Variants in HDAC5 observed in about 807,000 individuals in gnomAD.
HDAC5 encodes histone deacetylase 5.
HDAC5 carries 25 observed loss-of-function variants against 133.3 expected under a neutral mutation model. The ratio of observed to expected loss-of-function variants is 0.19; its 90% confidence interval spans 0.14 to 0.26. HDAC5 has a LOEUF of 0.26. Ranked by LOEUF, HDAC5 falls within the 10% of genes least tolerant of loss-of-function variation. The probability of loss-of-function intolerance (pLI) is 1.00; values close to 1 mark genes in which losing one functional copy is unlikely to be tolerated. For missense variants in HDAC5, 1,041 were observed against 1,460.5 expected (o/e 0.71, Z 4.68); for synonymous variants, 589 against 610.8 (o/e 0.96, Z 0.53).
intron 24 of HDAC5, 92 bp from the exon 25 acceptor site, chr17:44,078,971 A>G (rs2050249989): frequency 1.3e-6 from 2 of 1,524,638 alleles, no homozygotes; most frequent in African/African-American, 1.4e-5. Flanking sequence ...GATATCCCTC[A>G]CAACAGGGGC....
rs191591321 is a variant in HDAC5 at position 44,076,808 on chromosome 17, A to G, written c.*1568T>C. ...AGGACACACAGTGTAACGGGTTACA[A>G]AATACTTAACTGAAATCCATATCCA... On this transcript the variant is annotated 3_prime_UTR_variant, in exon 27 of 27. Transcript: ENST00000682912. The G allele has an allele frequency of 6.1e-6, 1 of 162,804 alleles. No homozygotes were observed. Among genetic ancestry groups the G allele is most frequent in the East Asian group, 1.8e-4 (1 of 5,706 alleles). The allele number at this position is 162,804 out of a possible 1,614,324, so 10.1% of individuals were successfully genotyped here. A position where few individuals can be genotyped will look rare whatever the true frequency, so the allele number is the denominator to read the frequency against.
At chr17:44,089,461 T>G (rs1239396329) in intron 11 of HDAC5, among the ~76,000 whole-genome samples, 1 of 151,804 alleles carries the variant, frequency 6.6e-6, no homozygotes, top group South Asian at 2.1e-4. Flanking sequence ...ATACAAAAAT[T>G]AGGCCAGGCG....
chr17:44,079,760 T>C (rs1321592898), intron 23 of HDAC5, among the ~76,000 whole-genome samples: 1 of 150,876 alleles, frequency 6.6e-6, no homozygotes, highest in Non-Finnish European at 1.5e-5. Flanking sequence ...AAATACAGCA[T>C]CAGTGAACTA....
intron 13 of HDAC5, 41 bp from the exon 14 acceptor site, chr17:44,086,778 C>T: frequency 2.4e-6 from 3 of 1,271,742 alleles, no homozygotes; most frequent in Middle Eastern, 2.6e-4. Context: ...CAGACTCAGC[C>T]AGGACAGGGG....
rs181335392 is a variant in HDAC5 at position 44,085,964 on chromosome 17, C to G, written c.2050+608G>C. Among the ~76,000 whole-genome samples, 439 of 152,282 alleles carry G rather than the reference C, an allele frequency of 2.9e-3. 1 individual carries two copies. Among genetic ancestry groups the G allele is most frequent in the African/African-American group, 9.7e-3 (402 of 41,552 alleles). On this transcript the variant is annotated intron_variant, in intron 14 of 26. Coordinates refer to ENST00000682912, the MANE Select transcript of HDAC5 (RefSeq NM_005474.5). ...GCCTTTCCTCTCCAGCCTTTGCCCC[C>G]TCTTGACTCCTCCTGAAATTCCTTT... is the stretch of plus-strand genomic sequence containing the variant.
chr17:44,083,175 TG>T (rs2050477565), intron 18 of HDAC5, among the ~76,000 whole-genome samples: 1 of 152,156 alleles, frequency 6.6e-6, no homozygotes, highest in South Asian at 2.1e-4. Context: ...TTTACTATGT[TG>T]CCCAGGCTGG....
chr17:44,085,326 C>CT (rs56379369), intron 14 of HDAC5, 171 bp from the exon 15 acceptor site: 5,848 of 375,662 alleles, frequency 0.016, 49 homozygotes, highest in African/African-American at 0.059. Context: ...TCCTCTCCAG[C>CT]TTTTTTTTTT....
At chr17:44,116,764 T>C (rs2052673030) in intron 2 of HDAC5, among the ~76,000 whole-genome samples, 1 of 152,050 alleles carries the variant, frequency 6.6e-6, no homozygotes, top group Non-Finnish European at 1.5e-5. Context: ...CTCACAGGCA[T>C]ACATCCAGAC....
intron 3 of HDAC5, among the ~76,000 whole-genome samples, chr17:44,094,732 A>G (rs2051154652): frequency 7.3e-6 from 1 of 137,292 alleles, no homozygotes; most frequent in Non-Finnish European, 1.6e-5. Flanking sequence ...GTGTGTATAT[A>G]TATGTGTGTA....
At chr17:44,082,972 C>G in intron 18 of HDAC5, 152 bp from the exon 19 acceptor site, 1 of 709,006 alleles carries the variant, frequency 1.4e-6, no homozygotes. Flanking sequence ...GTTGGGGTTT[C>G]TTTGTTTTTT....
At chr17:44,087,326 G>T (rs1012261254) in intron 13 of HDAC5, 86 bp downstream of exon 13, 6 of 687,592 alleles carry the variant, frequency 8.7e-6, no homozygotes, top group Non-Finnish European at 1.3e-5. Context: ...CTGCAGATGG[G>T]GGAGAGGGAA....
rs1465155006 is a variant in HDAC5, at chr17:44,088,377, C to G, written c.1599+10G>C. On this transcript the variant is annotated intron_variant, in intron 12 of 26. Coordinates refer to ENST00000682912, the MANE Select transcript of HDAC5 (RefSeq NM_005474.5). The stretch of plus-strand genomic sequence containing the variant: ...CCACAGCCCCAGGCCATTCACCTTT[C>G]CAGGCTCACCTTGCCCAGCTGTAGC... 6.5e-7 allele frequency: 1 copy of G among 1,547,746 alleles called. No individual in the cohort carries two copies. The highest frequency in any genetic ancestry group is 1.2e-5 in the South Asian group (1 of 84,004).
chr17:44,114,374 C>T lies in HDAC5; in HGVS notation c.22+3120G>A, dbSNP rs930307257. On this transcript the variant is annotated intron_variant, in intron 2 of 26. Transcript: ENST00000682912. Reference sequence around the variant, plus strand: ...AGCCCAAGGCTGGAAGGCAGGACACCGAGGTTCCTGGCTCCACCCCACACC... The same window carrying T: ...AGCCCAAGGCTGGAAGGCAGGACACTGAGGTTCCTGGCTCCACCCCACACC... Among the ~76,000 whole-genome samples the T allele has an allele frequency of 4.6e-5, 7 of 152,166 alleles. No homozygotes were observed. The South Asian group carries it at 1.0e-3, about 22-fold the overall frequency.
At chr17:44,107,325 AG>A (rs1231704908) in intron 3 of HDAC5, among the ~76,000 whole-genome samples, 3 of 152,190 alleles carry the variant, frequency 2.0e-5, no homozygotes, top group Admixed American at 1.3e-4. Flanking sequence ...AGATATGGCA[AG>A]GGCCGGGCGT....
intron 1 of HDAC5, among the ~76,000 whole-genome samples, chr17:44,122,391 G>A (rs2143694778): frequency 6.6e-6 from 1 of 151,696 alleles, no homozygotes; most frequent in African/African-American, 2.4e-5. Context: ...CCCATAATCT[G>A]GCTCCATCCT....
chr17:44,104,234 G>A (rs1279576957), intron 3 of HDAC5, among the ~76,000 whole-genome samples: 7 of 151,978 alleles, frequency 4.6e-5, no homozygotes, highest in Non-Finnish European at 8.8e-5. Flanking sequence ...GAACCCAGAG[G>A]CGGAGGTTGC....
Position 44,078,348 on chromosome 17 carries a change from G to A in HDAC5, c.*28C>T. On this transcript the variant is annotated 3_prime_UTR_variant, in exon 27 of 27. Coordinates refer to ENST00000682912, the MANE Select transcript of HDAC5 (RefSeq NM_005474.5). ...AAAAAATAAACAAAATCACAATGGT[G>A]AAGCCCAGAGGGATGGGGGCCGGGG... The A allele has an allele frequency of 3.9e-6, 6 of 1,521,584 alleles. No individual in the cohort carries two copies. In the East Asian group the frequency reaches 6.9e-5, roughly 18 times the overall value. 94.3% of individuals were successfully genotyped at this position (1,521,584 alleles called of 1,614,324 possible).
chr17:44,091,202 T>C, intron 11 of HDAC5, 68 bp downstream of exon 11: 1 of 1,175,226 alleles, frequency 8.5e-7, no homozygotes, highest in Non-Finnish European at 1.2e-6. Context: ...GTGACAGGGT[T>C]GGAGAGTATC....
At chr17:44,110,635 G>A (rs1353062191) in intron 3 of HDAC5, 94 bp downstream of exon 3, 3 of 973,004 alleles carry the variant, frequency 3.1e-6, no homozygotes, top group Non-Finnish European at 4.9e-6. Flanking sequence ...GATCTATGCA[G>A]GACCCTATCT....
Sources: gnomAD v4.1 joint callset for allele counts (sites outside exome capture counted in the v4.1 genomes callset) on GRCh38, gnomAD v4.1.1 for gene constraint, MANE v1.5 for transcripts, NCBI Gene and HGNC (gene_info 2026-07-23, HGNC 2026-07-21) for gene names.